The following PHC3 variants were observed in gnomAD, a reference collection of about 807,000 sequenced individuals.
PHC3 encodes polyhomeotic-like protein 3.
PHC3 carries 13 observed loss-of-function variants against 107.4 expected under a neutral mutation model. The observed-to-expected ratio is 0.12, with a 90% CI of 0.08 to 0.19. The LOEUF is 0.19. PHC3 is among the 10% of genes least tolerant of loss of function. PHC3 has a pLI of 1.00. For synonymous variants in PHC3, 456 were observed against 427.4 expected (o/e 1.07, Z -0.83); for missense variants, 992 against 1,210.9 (o/e 0.82, Z 2.68).
rs1714705389 is a variant in PHC3 at position 170,096,911 on chromosome 3, T to C, written c.*319A>G. 1.1e-5 allele frequency: 2 copies of C among 183,934 alleles called. No homozygotes were observed. Among genetic ancestry groups the C allele is most frequent in the Admixed American group, 1.2e-4 (2 of 16,346 alleles). The allele number at this position is 183,934 out of a possible 1,614,324, so 11.4% of individuals were successfully genotyped here. A position where few individuals can be genotyped will look rare whatever the true frequency, so the allele number is the denominator to read the frequency against. On this transcript the variant is annotated 3_prime_UTR_variant, in exon 15 of 15. Transcript: ENST00000495893. ...TTAAATTACTTTTAAAAGGATTCTT[T>C]ATATTAATGATAAACATCACCTTTA...
chr3:170,102,396 G>C, intron 14 of PHC3, 83 bp downstream of exon 14: 1 of 1,535,670 alleles, frequency 6.5e-7, no homozygotes, highest in Non-Finnish European at 8.8e-7. Flanking sequence ...TAGCCCTTTT[G>C]TGCAAAAGGT....
In PHC3 at chr3:170,097,460, T is replaced by C. The variant is rs1442169103; in HGVS notation, c.2834-76A>G. ...ACATTACTCCTAACAGTCACAGTTA[T>C]GCTCTCACTGGGTCTGAGAATCTGA... On this transcript the variant is annotated intron_variant, in intron 14 of 14. Coordinates refer to ENST00000495893, the MANE Select transcript of PHC3 (RefSeq NM_024947.4). The surrounding 1 kb of genome is among the most constrained non-coding windows in gnomAD (Gnocchi z 4.1). 1.4e-6 allele frequency: 2 copies of C among 1,391,948 alleles called. No homozygotes were observed. The highest frequency in any genetic ancestry group is 9.7e-7 in the Non-Finnish European group (1 of 1,033,692). The allele number at this position is 1,391,948 out of a possible 1,614,324, so 86.2% of individuals were successfully genotyped here. A position where few individuals can be genotyped will look rare whatever the true frequency, so the allele number is the denominator to read the frequency against.
Position 170,178,935 on chromosome 3 carries a change from A to G in PHC3, c.18T>C (p.Phe6=), listed in dbSNP as rs757267429. The G allele has an allele frequency of 2.5e-6, 4 of 1,611,352 alleles. No homozygotes were observed. The East Asian group carries it at 8.9e-5, about 36-fold the overall frequency. Reference sequence around the variant, plus strand: ...TATCCATAGCTGTACTATGGTCCTTAAATCTGGCAGGTCACACAAAGTGTT... The same window carrying G: ...TATCCATAGCTGTACTATGGTCCTTGAATCTGGCAGGTCACACAAAGTGTT... The part of the protein sequence containing the change: MAEAE[F]KDHSTAMDTE... The change falls in exon 2 of 15, where the codon TTT becomes TTC. Residue 6 remains phenylalanine, a synonymous_variant. Coordinates refer to ENST00000495893, the MANE Select transcript of PHC3 (RefSeq NM_024947.4).
chr3:170,150,531 T>TAA (rs1168514834), intron 4 of PHC3: 165 of 77,500 alleles, frequency 2.1e-3, no homozygotes, highest in Middle Eastern at 7.9e-3. Context: ...CTGTCTCTAC[T>TAA]AAAAAAAAAA....
At position 170,091,644 on chromosome 3, in the gene PHC3, C is replaced by T. The variant is rs1436948266; in HGVS notation, c.*5586G>A. 6.6e-6 allele frequency: 1 copy of T among 152,076 alleles called. No individual in the cohort carries two copies. Among genetic ancestry groups the T allele is most frequent in the Non-Finnish European group, 1.5e-5 (1 of 68,028 alleles). The allele number at this position is 152,076 out of a possible 1,614,324, so 9.4% of individuals were successfully genotyped here. On this transcript the variant is annotated 3_prime_UTR_variant, in exon 15 of 15. Transcript: ENST00000495893. Reference sequence around the variant, plus strand: ...GTGTCTGAGTAGAAAAGCTGATCTTCAGAGCTGAAAAGGAGGGCAGAGATT... The same window carrying T: ...GTGTCTGAGTAGAAAAGCTGATCTTTAGAGCTGAAAAGGAGGGCAGAGATT...
chr3:170,119,098 C>CTGATTTCTAGGAACAAATA, intron 9 of PHC3, among the ~76,000 whole-genome samples: 1 of 149,538 alleles, frequency 6.7e-6, no homozygotes, highest in South Asian at 2.1e-4. Context: ...TGTTAATGTG[C>CTGATTTCTAGGAACAAATA]TGATTTCTAG....
chr3:170,122,799 G>A, intron 8 of PHC3, 55 bp from the exon 9 acceptor site: 2 of 1,567,416 alleles, frequency 1.3e-6, no homozygotes, highest in Non-Finnish European at 1.7e-6. Flanking sequence ...ATTTTATCAG[G>A]TGTTCTTAAT....
intron 9 of PHC3, among the ~76,000 whole-genome samples, chr3:170,121,871 A>C (rs1258527641): frequency 6.6e-6 from 1 of 152,216 alleles, no homozygotes; most frequent in Non-Finnish European, 1.5e-5. Flanking sequence ...TGTCTGCACA[A>C]ATCACTAAAA....
At chr3:170,172,867 T>C (rs1028451014) in intron 2 of PHC3, among the ~76,000 whole-genome samples, 155 bp from the exon 3 acceptor site, 2 of 152,120 alleles carry the variant, frequency 1.3e-5, no homozygotes, top group African/African-American at 4.8e-5. Context: ...TAGTTACATA[T>C]CACTAGAAAT....
chr3:170,179,005 T>A lies in PHC3; in HGVS notation c.15-67A>T, dbSNP rs921794856. 4.2e-5 allele frequency: 59 copies of A among 1,417,720 alleles called. 1 individual carries two copies. Among genetic ancestry groups the A allele is most frequent in the Admixed American group, 6.0e-5 (3 of 50,266 alleles). The allele number at this position is 1,417,720 out of a possible 1,614,324, so 87.8% of individuals were successfully genotyped here. ...TCTTATGAGCTTTAAAGAATATTCA[T>A]TCCAAAGAAATAATCAGCAGTAATC... On this transcript the variant is annotated intron_variant, in intron 1 of 14. Transcript: ENST00000495893.
At chr3:170,162,441 A>C (rs1728043742) in intron 4 of PHC3, among the ~76,000 whole-genome samples, 1 of 152,194 alleles carries the variant, frequency 6.6e-6, no homozygotes. Context: ...AATACTATGG[A>C]GTCATCCTTG....
In PHC3 at chr3:170,097,714, A is replaced by C. The variant is rs1714815408; in HGVS notation, c.2834-330T>G. Among the ~76,000 whole-genome samples the C allele has an allele frequency of 6.6e-6, 1 of 152,144 alleles. No homozygotes were observed. Among genetic ancestry groups the C allele is most frequent in the African/African-American group, 2.4e-5 (1 of 41,430 alleles). ...GTGTTACCTCAAAGCATGCCACATA[A>C]CAGGTTTGGGTTAACTAGTTATACC... On this transcript the variant is annotated intron_variant, in intron 14 of 14. Coordinates refer to ENST00000495893, the MANE Select transcript of PHC3 (RefSeq NM_024947.4). This position sits in a 1 kb window ranked among gnomAD's most constrained non-coding sequence, Gnocchi z 4.1.
intron 6 of PHC3, among the ~76,000 whole-genome samples, chr3:170,137,615 CATT>C (rs1180753416): frequency 2.6e-5 from 4 of 152,230 alleles, no homozygotes; most frequent in Non-Finnish European, 2.9e-5. Flanking sequence ...GTCTCTACAT[CATT>C]AACTGATGCT....
chr3:170,162,880 T>A (rs1219270309), intron 4 of PHC3, among the ~76,000 whole-genome samples: 1 of 152,216 alleles, frequency 6.6e-6, no homozygotes, highest in East Asian at 1.9e-4. Context: ...CTGTTCCCTG[T>A]GCATGTCTGC....
rs1222605911 is a variant in PHC3 at position 170,136,387 on chromosome 3, T to A, written c.919+32A>T. 4 of 1,611,632 alleles carry A rather than the reference T, an allele frequency of 2.5e-6. No individual in the cohort carries two copies. The Admixed American group carries it at 6.7e-5, about 27-fold the overall frequency. On this transcript the variant is annotated intron_variant, in intron 7 of 14. Coordinates refer to ENST00000495893, the MANE Select transcript of PHC3 (RefSeq NM_024947.4). ...CTCTGTCTGCTAAGAAAATGAATAA[T>A]ACAACTATTTTCAACAAAAGTTTTA...
At chr3:170,113,847 T>C (rs1718342952) in intron 10 of PHC3, among the ~76,000 whole-genome samples, 3 of 152,184 alleles carry the variant, frequency 2.0e-5, no homozygotes, top group Non-Finnish European at 4.4e-5. Flanking sequence ...CATCCAGTTA[T>C]CCTGCACTGC....
intron 6 of PHC3, among the ~76,000 whole-genome samples, chr3:170,140,967 G>C (rs1437759471): frequency 6.6e-6 from 1 of 151,926 alleles, no homozygotes; most frequent in Non-Finnish European, 1.5e-5. Context: ...TGCCTGGTGG[G>C]GAGAAGGAAT....
At chr3:170,151,294 GAATAC>G (rs1262806625) in intron 4 of PHC3, among the ~76,000 whole-genome samples, 1 of 152,040 alleles carries the variant, frequency 6.6e-6, no homozygotes, top group East Asian at 1.9e-4. Context: ...ACAAAGCACA[GAATAC>G]AATTAATAAA....
At chr3:170,177,833 G>C (rs1163610535) in intron 2 of PHC3, among the ~76,000 whole-genome samples, 1 of 149,136 alleles carries the variant, frequency 6.7e-6, no homozygotes, top group Non-Finnish European at 1.5e-5. Context: ...ACCATGCCCT[G>C]CTGATTTTTG....
Sources: allele counts gnomAD v4.1 joint callset (sites outside exome capture counted in the v4.1 genomes callset), GRCh38; gene constraint gnomAD v4.1.1; non-coding constraint Gnocchi (gnomAD v3.1); transcripts MANE v1.5; gene names NCBI Gene and HGNC (gene_info 2026-07-23, HGNC 2026-07-21).